The following SNCAIP variants were observed in gnomAD, a reference collection of about 807,000 sequenced individuals.
SNCAIP encodes synphilin-1.
In SNCAIP, 43 loss-of-function variants were observed where a neutral mutation model predicts 86.7. That is an observed-to-expected ratio of 0.50 (90% CI 0.39 to 0.64). SNCAIP has a LOEUF of 0.64. SNCAIP is among the 30% of genes least tolerant of loss of function. SNCAIP has a pLI of 0.00. For synonymous variants in SNCAIP, 417 were observed against 427.2 expected (o/e 0.98, Z 0.29); for missense variants, 981 against 1,103.1 (o/e 0.89, Z 1.57).
chr5:122,384,728 C>G (rs534846665), intron 1 of SNCAIP, among the ~76,000 whole-genome samples: 48 of 152,288 alleles, frequency 3.2e-4, no homozygotes, highest in African/African-American at 1.2e-3. Flanking sequence ...GGAGCAGGCT[C>G]AATATATTAC....
chr5:122,386,440 C>A (rs1380973519), intron 1 of SNCAIP, among the ~76,000 whole-genome samples: 1 of 152,188 alleles, frequency 6.6e-6, no homozygotes, highest in Non-Finnish European at 1.5e-5. Flanking sequence ...AAGCCCCTCA[C>A]ACACACTTTA....
At chr5:122,346,666 C>A (rs1758674471) in intron 1 of SNCAIP, among the ~76,000 whole-genome samples, 1 of 151,962 alleles carries the variant, frequency 6.6e-6, no homozygotes, top group Non-Finnish European at 1.5e-5. Context: ...TAGGGATAAG[C>A]TAGACAGCTA....
chr5:122,412,495 C>A lies in SNCAIP; in HGVS notation c.130+8630C>A, dbSNP rs116697113. 5.9e-3 allele frequency among the ~76,000 whole-genome samples: 893 copies of A among 152,298 alleles called. 8 individuals carry two copies. Among genetic ancestry groups the A allele is most frequent in the African/African-American group, 0.021 (861 of 41,560 alleles). On this transcript the variant is annotated intron_variant, in intron 3 of 10. Coordinates refer to ENST00000261368, the MANE Select transcript of SNCAIP (RefSeq NM_005460.4). ...GGCTTTGTGAGACCACCTCTCTCCT[C>A]ATTTTTCTCCTAACACTCTGACATC...
chr5:122,344,448 T>A (rs1758202614), intron 1 of SNCAIP, among the ~76,000 whole-genome samples: 1 of 152,190 alleles, frequency 6.6e-6, no homozygotes, highest in Non-Finnish European at 1.5e-5. Flanking sequence ...TTTCCCTCAT[T>A]TTATATAATT....
chr5:122,380,085 C>G (rs1286311917), intron 1 of SNCAIP, among the ~76,000 whole-genome samples: 17 of 151,800 alleles, frequency 1.1e-4, no homozygotes, highest in African/African-American at 4.1e-4. Flanking sequence ...CCCTCTTTTT[C>G]TATTGATTGG....
intron 1 of SNCAIP, among the ~76,000 whole-genome samples, chr5:122,380,218 T>A (rs1766394763): frequency 6.6e-6 from 1 of 152,262 alleles, no homozygotes; most frequent in African/African-American, 2.4e-5. Flanking sequence ...CAATTTCAGC[T>A]CCTGTTATTG....
chr5:122,375,165 C>G (rs959750968), intron 1 of SNCAIP, among the ~76,000 whole-genome samples: 1 of 152,114 alleles, frequency 6.6e-6, no homozygotes, highest in Non-Finnish European at 1.5e-5. Context: ...TTAAACTATA[C>G]TCTTTTCTTC....
At position 122,358,827 on chromosome 5, in the gene SNCAIP, C is replaced by T. The variant is rs191236496; in HGVS notation, c.-46-32262C>T. ...AGCTGAGTGTTGATTAAAAGCAGCA[C>T]CCTCTCGCTTGCTTCAGAGCTAATA... On this transcript the variant is annotated intron_variant, in intron 1 of 10. Coordinates refer to ENST00000261368, the MANE Select transcript of SNCAIP (RefSeq NM_005460.4). 2.3e-3 allele frequency among the ~76,000 whole-genome samples: 349 copies of T among 152,244 alleles called. 2 individuals carry two copies. Among genetic ancestry groups the T allele is most frequent in the African/African-American group, 7.8e-3 (326 of 41,544 alleles).
At chr5:122,337,689 G>A (rs1192454442) in intron 1 of SNCAIP, among the ~76,000 whole-genome samples, 8 of 152,202 alleles carry the variant, frequency 5.3e-5, no homozygotes, top group South Asian at 2.1e-4. Flanking sequence ...CAGGCATGCC[G>A]CCACCATGCC....
intron 1 of SNCAIP, among the ~76,000 whole-genome samples, chr5:122,317,506 A>T (rs1346038099): frequency 6.6e-6 from 1 of 152,180 alleles, no homozygotes; most frequent in East Asian, 1.9e-4. Flanking sequence ...GATTTGGACC[A>T]TGCCACTTGA....
chr5:122,327,087 GATTTC>G (rs1459462718), intron 1 of SNCAIP, among the ~76,000 whole-genome samples: 1 of 151,540 alleles, frequency 6.6e-6, no homozygotes, highest in East Asian at 1.9e-4. Flanking sequence ...CTTCTGTTTA[GATTTC>G]ATTTCTTTTT....
intron 10 of SNCAIP, among the ~76,000 whole-genome samples, chr5:122,459,148 C>A (rs887765775): frequency 4.6e-5 from 7 of 152,160 alleles, no homozygotes; most frequent in African/African-American, 1.7e-4. Flanking sequence ...GAACCAAAAT[C>A]CATTTCTTAG....
intron 8 of SNCAIP, among the ~76,000 whole-genome samples, chr5:122,449,572 A>G (rs1368907933): frequency 6.6e-6 from 1 of 152,208 alleles, no homozygotes; most frequent in Non-Finnish European, 1.5e-5. Context: ...CTGTCATTAT[A>G]GAAATAATTA....
chr5:122,395,692 C>A (rs1324845714), intron 2 of SNCAIP, among the ~76,000 whole-genome samples: 2 of 152,092 alleles, frequency 1.3e-5, no homozygotes, highest in Non-Finnish European at 2.9e-5. Context: ...TGTGCATCAC[C>A]TTTTCCTCCA....
chr5:122,376,469 C>T (rs1430078999), intron 1 of SNCAIP, among the ~76,000 whole-genome samples: 1 of 152,128 alleles, frequency 6.6e-6, no homozygotes, highest in East Asian at 1.9e-4. Flanking sequence ...TTCCAGAAGC[C>T]AGTGCAAGAC....
Position 122,377,498 on chromosome 5 carries a change from G to C in SNCAIP, c.-46-13591G>C, listed in dbSNP as rs1300440355. 1.2e-4 allele frequency among the ~76,000 whole-genome samples: 8 copies of C among 67,548 alleles called. No individual in the cohort carries two copies. In the East Asian group the frequency reaches 3.5e-3, roughly 30 times the overall value. 44.3% of individuals were successfully genotyped at this position (67,548 alleles called of 152,430 possible). A position where few individuals can be genotyped will look rare whatever the true frequency, so the allele number is the denominator to read the frequency against. On this transcript the variant is annotated intron_variant, in intron 1 of 10. Transcript: ENST00000261368. ...AAGGGGTGAGAGGGAGACAGACAGA[G>C]AGAGAGAGAGAGAGAGAGAGAGAAA... is the stretch of plus-strand genomic sequence containing the variant.
intron 6 of SNCAIP, among the ~76,000 whole-genome samples, chr5:122,436,216 A>AG (rs1779440782): frequency 6.6e-6 from 1 of 151,716 alleles, no homozygotes. Flanking sequence ...TTTTTTAAAA[A>AG]GAGAGAAAAT....
intron 1 of SNCAIP, among the ~76,000 whole-genome samples, chr5:122,344,143 T>G (rs1452288485): frequency 1.3e-5 from 2 of 152,156 alleles, no homozygotes; most frequent in East Asian, 3.8e-4. Flanking sequence ...GTTCTCCTCC[T>G]CCGCTAAAAT....
At chr5:122,459,663 G>A (rs1337937962) in intron 10 of SNCAIP, among the ~76,000 whole-genome samples, 3 of 152,114 alleles carry the variant, frequency 2.0e-5, no homozygotes, top group Non-Finnish European at 2.9e-5. Flanking sequence ...GCTCATTTTA[G>A]TGTTTTTGAC....
Sources: gnomAD v4.1 joint callset for allele counts (sites outside exome capture counted in the v4.1 genomes callset) on GRCh38, gnomAD v4.1.1 for gene constraint, MANE v1.5 for transcripts, NCBI Gene and HGNC (gene_info 2026-07-23, HGNC 2026-07-21) for gene names.